The following PKHD1L1 variants were observed in gnomAD, a reference collection of about 807,000 sequenced individuals.
PKHD1L1 encodes the protein PKHD1 like 1.
Under a neutral mutation model 462.9 loss-of-function variants are expected in PKHD1L1, and 434 were observed. That is an observed-to-expected ratio of 0.94 (90% CI 0.87 to 1.02). The LOEUF is 1.02. PKHD1L1 is among the 50% of genes least tolerant of loss of function. The probability of loss-of-function intolerance (pLI) is 0.00; values close to 1 mark genes in which losing one functional copy is unlikely to be tolerated. For missense variants in PKHD1L1, 5,202 were observed against 5,096.1 expected (o/e 1.02, Z -0.63); for synonymous variants, 1,781 against 1,750.0 (o/e 1.02, Z -0.44).
In PKHD1L1 at chr8:109,377,815, G is replaced by T. The variant is rs1323708644; in HGVS notation, c.164-3555G>T. Among the ~76,000 whole-genome samples the T allele has an allele frequency of 2.6e-5, 4 of 151,966 alleles. No homozygotes were observed. The East Asian group carries it at 7.7e-4, about 29-fold the overall frequency. On this transcript the variant is annotated intron_variant, in intron 2 of 77. Transcript: ENST00000378402. ...AATGGAACACTAATCTTATTCATAG[G>T]TTTTATTTCTTGGGTTTATTCCAAA...
intron 21 of PKHD1L1, among the ~76,000 whole-genome samples, chr8:109,416,570 C>A (rs1482591676): frequency 6.6e-6 from 1 of 152,196 alleles, no homozygotes; most frequent in Non-Finnish European, 1.5e-5. Context: ...GAGGCCATTA[C>A]ATAGTTCAAT....
chr8:109,498,541 C>T lies in PKHD1L1; in HGVS notation c.10679C>T (p.Thr3560Ile), dbSNP rs771921545. The change falls in exon 66 of 78, where the codon ACT (threonine) becomes ATT (isoleucine). Residue 3560 changes from threonine to isoleucine, a missense_variant. Thr to Ile is a moderately conservative substitution (Grantham distance 89, BLOSUM62 -1). This residue lies in a region of PKHD1L1 where 4,497 missense variants were observed against 4,336.8 expected (regional missense o/e 1.04). Transcript: ENST00000378402. ...LTNDDPNIEL[T>I]AAHRSPRSPS... is the part of the protein sequence containing the mutation. ...AATGATGATCCTAATATTGAACTCA[C>T]TGCTGCTCATCGGAGTCCTAGATCT... is the stretch of plus-strand genomic sequence containing the variant. The T allele has an allele frequency of 1.9e-5, 31 of 1,613,640 alleles. No homozygotes were observed. The highest frequency in any genetic ancestry group is 2.5e-5 in the Non-Finnish European group (30 of 1,179,554).
chr8:109,453,759 A>G (rs576619584), intron 43 of PKHD1L1, among the ~76,000 whole-genome samples: 1 of 152,326 alleles, frequency 6.6e-6, no homozygotes, highest in Admixed American at 6.5e-5. Context: ...GTAAAAGTTC[A>G]AAGCTAATGT....
At chr8:109,401,320 TA>T (rs5893956) in intron 13 of PKHD1L1, among the ~76,000 whole-genome samples, 176 bp from the exon 14 acceptor site, 45,197 of 151,854 alleles carry the variant, frequency 0.3, 7,323 homozygotes, top group Admixed American at 0.43. Flanking sequence ...TTTGATAATT[TA>T]AAAAAAATTT....
chr8:109,422,792 C>A (rs1814540553), intron 23 of PKHD1L1, among the ~76,000 whole-genome samples: 1 of 152,016 alleles, frequency 6.6e-6, no homozygotes. Context: ...AAGAAACTAC[C>A]ATATTTTTTT....
At position 109,427,143 on chromosome 8, in the gene PKHD1L1, A is replaced by G. The variant is rs1814799249; in HGVS notation, c.2987A>G (p.Gln996Arg). 2 of 1,613,610 alleles carry G rather than the reference A, an allele frequency of 1.2e-6. No homozygotes were observed. The highest frequency in any genetic ancestry group is 3.3e-5 in the Admixed American group (2 of 60,006). ...AAATGGAGAAGCACCTGCGGAAAGC[A>G]GAATCTTCTACAGGTTCCCTCATTT... is the stretch of plus-strand genomic sequence containing the variant. ...NIKWRSTCGK[Q>R]NLLQINDSNI... The change falls in exon 25 of 78, where the codon CAG (glutamine) becomes CGG (arginine). Residue 996 changes from glutamine (Q) to arginine (R), a missense_variant. Transcript: ENST00000378402.
At chr8:109,430,164 T>TC in intron 27 of PKHD1L1, 127 bp downstream of exon 27, 1 of 514,266 alleles carries the variant, frequency 1.9e-6, no homozygotes. Flanking sequence ...CAGTTCTACA[T>TC]TGTGAAAATT....
intron 50 of PKHD1L1, among the ~76,000 whole-genome samples, chr8:109,468,973 CA>C (rs1238310308): frequency 6.6e-6 from 1 of 152,124 alleles, no homozygotes; most frequent in African/African-American, 2.4e-5. Context: ...TTCCTATATG[CA>C]AACCAAATAT....
At position 109,388,553 on chromosome 8, in the gene PKHD1L1, A is replaced by G; in HGVS notation, c.623+3A>G. On this transcript the variant is annotated splice_donor_region_variant and intron_variant, in intron 7 of 77. Transcript: ENST00000378402. ...CTCATACCACAATCTGATAATTTGT[A>G]AGTAATTCAAATTATTTTCTTTACA... 6.7e-7 allele frequency: 1 copy of G among 1,497,836 alleles called. No individual in the cohort carries two copies. The highest frequency in any genetic ancestry group is 9.1e-7 in the Non-Finnish European group (1 of 1,100,376). The allele number at this position is 1,497,836 out of a possible 1,614,324, so 92.8% of individuals were successfully genotyped here. A position where few individuals can be genotyped will look rare whatever the true frequency, so the allele number is the denominator to read the frequency against.
At chr8:109,368,754 T>A (rs1466936220) in intron 2 of PKHD1L1, among the ~76,000 whole-genome samples, 1 of 152,160 alleles carries the variant, frequency 6.6e-6, no homozygotes, top group African/African-American at 2.4e-5. Flanking sequence ...AGCCCAGGCG[T>A]TCCTTTTGGA....
intron 70 of PKHD1L1, among the ~76,000 whole-genome samples, chr8:109,508,678 A>G (rs912042267): frequency 6.6e-6 from 1 of 152,198 alleles, no homozygotes; most frequent in African/African-American, 2.4e-5. Flanking sequence ...AATACCTGAC[A>G]AGCAGTATTC....
chr8:109,373,112 C>T (rs998583819), intron 2 of PKHD1L1, among the ~76,000 whole-genome samples: 1 of 152,110 alleles, frequency 6.6e-6, no homozygotes, highest in African/African-American at 2.4e-5. Flanking sequence ...TGGTAGAATT[C>T]GGCTGTGAAT....
rs779365442 is a variant in PKHD1L1 at position 109,439,029 on chromosome 8, A to C, written c.3893A>C (p.Lys1298Thr). ...ACAGATATTAGATGCCTTTTGCCCA[A>C]GTTGTCTCCTGGAAAACATGATATC... ...NFTDIRCLLP[K>T]LSPGKHDIYV... The change falls in exon 32 of 78, where the codon AAG becomes ACG. Residue 1298 changes from lysine (K) to threonine (T), a missense_variant. This residue lies in a region of PKHD1L1 where 4,497 missense variants were observed against 4,336.8 expected (regional missense o/e 1.04). Transcript: ENST00000378402. The C allele has an allele frequency of 6.2e-7, 1 of 1,613,676 alleles. No individual in the cohort carries two copies. Among genetic ancestry groups the C allele is most frequent in the South Asian group, 1.1e-5 (1 of 91,048 alleles).
intron 67 of PKHD1L1, 131 bp downstream of exon 67, chr8:109,498,902 A>G (rs371687296): frequency 5.0e-5 from 40 of 803,618 alleles, no homozygotes; most frequent in East Asian, 4.3e-4. Flanking sequence ...TCAATATGAC[A>G]AAGAAATCAG....
rs1817657056 is a variant in PKHD1L1 at position 109,470,364 on chromosome 8, A to G, written c.8605+3595A>G. ...AGAGTGAAGTTAACCATTACTATGA[A>G]CCCAAGCTTATTATAGATCTTTCCA... On this transcript the variant is annotated intron_variant, in intron 50 of 77. Transcript: ENST00000378402. 21 of 1,554,306 alleles carry G rather than the reference A, an allele frequency of 1.4e-5. No homozygotes were observed. In the Middle Eastern group the frequency reaches 7.0e-4, roughly 52 times the overall value.
rs745388586 is a variant in PKHD1L1 at position 109,489,940 on chromosome 8, T to C, written c.9881-12T>C. 3 of 1,521,178 alleles carry C rather than the reference T, an allele frequency of 2.0e-6. No individual in the cohort carries two copies. The highest frequency in any genetic ancestry group is 4.5e-5 in the East Asian group (2 of 44,228). The allele number at this position is 1,521,178 out of a possible 1,614,324, so 94.2% of individuals were successfully genotyped here. ...TTAAGAAAAACAAATTTTAAATCTT[T>C]CCCTACCTTAGGAAATGCAAGAATA... On this transcript the variant is annotated splice_polypyrimidine_tract_variant and intron_variant, in intron 59 of 77. Coordinates refer to ENST00000378402, the MANE Select transcript of PKHD1L1 (RefSeq NM_177531.6).
At position 109,370,469 on chromosome 8, in the gene PKHD1L1, T is replaced by C. The variant is rs1199052601; in HGVS notation, c.163+5833T>C. 2.6e-5 allele frequency among the ~76,000 whole-genome samples: 4 copies of C among 151,678 alleles called. No individual in the cohort carries two copies. In the East Asian group the frequency reaches 7.7e-4, roughly 29 times the overall value. On this transcript the variant is annotated intron_variant, in intron 2 of 77. Transcript: ENST00000378402. Reference sequence around the variant, plus strand: ...GATGAACCTAAATCTCAGGATTTTTTCTTATATTTTATTTTATTTATTTTA... The same window carrying C: ...GATGAACCTAAATCTCAGGATTTTTCCTTATATTTTATTTTATTTATTTTA...
At chr8:109,448,480 A>C (rs1228461215) in intron 39 of PKHD1L1, 89 bp downstream of exon 39, 5 of 1,316,172 alleles carry the variant, frequency 3.8e-6, no homozygotes, top group Non-Finnish European at 5.0e-6. Context: ...ATGTTACTCA[A>C]ACACATAAAA....
chr8:109,426,149 C>T (rs1012468070), intron 24 of PKHD1L1, among the ~76,000 whole-genome samples: 1 of 152,090 alleles, frequency 6.6e-6, no homozygotes, highest in Non-Finnish European at 1.5e-5. Flanking sequence ...ATCCACTACA[C>T]TGGTGACATT....
Sources: allele counts gnomAD v4.1 joint callset (sites outside exome capture counted in the v4.1 genomes callset), GRCh38; gene constraint gnomAD v4.1.1; regional missense constraint gnomAD v4.1.1; transcripts MANE v1.5; gene names NCBI Gene and HGNC (gene_info 2026-07-23, HGNC 2026-07-21).